TMEM132B: variants seen among roughly 807,000 people sequenced by gnomAD.
TMEM132B encodes transmembrane protein 132B.
A neutral mutation model predicts 90.8 loss-of-function variants in TMEM132B; 18 were observed. The observed-to-expected ratio is 0.20, with a 90% CI of 0.14 to 0.29. TMEM132B has a LOEUF of 0.29. TMEM132B is among the 10% of genes least tolerant of loss of function. The pLI, the probability that TMEM132B is intolerant of heterozygous loss-of-function variation, is 1.00. For missense variants in TMEM132B, 1,096 were observed against 1,326.8 expected, an observed-to-expected ratio of 0.83 and a Z score of 2.70; for synonymous variants, 504 against 523.3, an observed-to-expected ratio of 0.96 and a Z score of 0.50.
intron 4 of TMEM132B, among the ~76,000 whole-genome samples, chr12:125,563,660 T>C (rs914193358): frequency 1.3e-5 from 2 of 152,054 alleles, no homozygotes; most frequent in African/African-American, 2.4e-5. Context: ...GGTGTTCCCA[T>C]AGGCCCTTTG....
intron 1 of TMEM132B, among the ~76,000 whole-genome samples, chr12:125,333,461 G>A (rs183943861): frequency 4.6e-5 from 7 of 152,310 alleles, no homozygotes; most frequent in Admixed American, 3.9e-4. Flanking sequence ...CATTCATGAA[G>A]AATAAATGTC....
At chr12:125,417,952 G>A (rs1276704487) in intron 3 of TMEM132B, among the ~76,000 whole-genome samples, 2 of 152,158 alleles carry the variant, frequency 1.3e-5, no homozygotes, top group African/African-American at 4.8e-5. Context: ...CAGAGAGTGG[G>A]GGAGGGATTG....
At chr12:125,615,239 T>A (rs1885958496) in intron 5 of TMEM132B, among the ~76,000 whole-genome samples, 1 of 152,130 alleles carries the variant, frequency 6.6e-6, no homozygotes, top group Non-Finnish European at 1.5e-5. Flanking sequence ...TTTCAATCAT[T>A]ATTTCTTCAA....
At chr12:125,279,893 T>G (rs1875110954) in intron 1 of TMEM132B, among the ~76,000 whole-genome samples, 1 of 152,248 alleles carries the variant, frequency 6.6e-6, no homozygotes, top group Admixed American at 6.5e-5. Context: ...TCAGTGATTA[T>G]ATTAATAACT....
At chr12:125,457,242 T>G (rs1437904663) in intron 3 of TMEM132B, among the ~76,000 whole-genome samples, 1 of 152,232 alleles carries the variant, frequency 6.6e-6, no homozygotes, top group African/African-American at 2.4e-5. Context: ...TTCGCAGGGA[T>G]TCCTAGTTTC....
intron 3 of TMEM132B, among the ~76,000 whole-genome samples, chr12:125,433,056 A>G (rs1880589806): frequency 6.6e-6 from 1 of 152,220 alleles, no homozygotes; most frequent in Non-Finnish European, 1.5e-5. Context: ...GTCGGAGCAG[A>G]CACTTTATGT....
At chr12:125,487,558 T>G (rs1157266189) in intron 3 of TMEM132B, among the ~76,000 whole-genome samples, 1 of 152,202 alleles carries the variant, frequency 6.6e-6, no homozygotes, top group Non-Finnish European at 1.5e-5. Context: ...TGCTATGCCA[T>G]CCTTGAAGTT....
chr12:125,241,235 G>A (rs1295038279), intron 1 of TMEM132B, among the ~76,000 whole-genome samples: 4 of 152,146 alleles, frequency 2.6e-5, no homozygotes, highest in African/African-American at 9.7e-5. Context: ...AAGATACAGT[G>A]GGGTATAAAA....
At chr12:125,212,442 C>T (rs1276931996) in intron 1 of TMEM132B, among the ~76,000 whole-genome samples, 1 of 151,946 alleles carries the variant, frequency 6.6e-6, no homozygotes, top group East Asian at 1.9e-4. Flanking sequence ...CTTGTAATAC[C>T]AGCACTTTGG....
chr12:125,495,934 C>T (rs1249859100), intron 3 of TMEM132B, among the ~76,000 whole-genome samples: 1 of 152,198 alleles, frequency 6.6e-6, no homozygotes, highest in Non-Finnish European at 1.5e-5. Context: ...CAGTACTTTA[C>T]TGCAGTTGTT....
At chr12:125,515,929 TTC>T (rs1282421623) in intron 3 of TMEM132B, among the ~76,000 whole-genome samples, 2 of 151,460 alleles carry the variant, frequency 1.3e-5, no homozygotes, top group Non-Finnish European at 2.9e-5. Flanking sequence ...CATATCCTAT[TTC>T]TCTGTCACAC....
chr12:125,321,454 G>A (rs2136190479), intron 1 of TMEM132B, among the ~76,000 whole-genome samples: 1 of 150,826 alleles, frequency 6.6e-6, no homozygotes, highest in African/African-American at 2.4e-5. Context: ...GTAAAATGGT[G>A]TAGTCACTTT....
chr12:125,404,330 C>T (rs765459734), intron 2 of TMEM132B, among the ~76,000 whole-genome samples: 57 of 152,110 alleles, frequency 3.7e-4, no homozygotes, highest in Admixed American at 3.3e-3. Context: ...CAAACGGAGA[C>T]ATTTGCCTTT....
chr12:125,580,335 G>T (rs1593003786), intron 4 of TMEM132B, among the ~76,000 whole-genome samples: 1 of 152,202 alleles, frequency 6.6e-6, no homozygotes, highest in Non-Finnish European at 1.5e-5. Flanking sequence ...TCAAACAGTT[G>T]CCTGGCAAGT....
At chr12:125,539,533 T>C (rs1011861052) in intron 4 of TMEM132B, among the ~76,000 whole-genome samples, 4 of 152,252 alleles carry the variant, frequency 2.6e-5, no homozygotes, top group Admixed American at 2.6e-4. Context: ...GTTTGGCAAC[T>C]TATTAGCTCT....
chr12:125,415,854 G>A lies in TMEM132B; in HGVS notation c.1106+177G>A, dbSNP rs1195519219. On this transcript the variant is annotated intron_variant, in intron 3 of 8. Coordinates refer to ENST00000682704, the MANE Select transcript of TMEM132B (RefSeq NM_001366854.1). The surrounding 1 kb of genome is among the most constrained non-coding windows in gnomAD (Gnocchi z 5.3). ...GAGTTCACATTTATCACAGCGTCGG[G>A]TTTGGTAACCGCGTTTTAAATTTTT... Among the ~76,000 whole-genome samples the A allele has an allele frequency of 6.6e-6, 1 of 152,190 alleles. No homozygotes were observed. Among genetic ancestry groups the A allele is most frequent in the Non-Finnish European group, 1.5e-5 (1 of 68,030 alleles).
intron 1 of TMEM132B, among the ~76,000 whole-genome samples, chr12:125,270,041 A>AAC (rs1233227525): frequency 6.6e-6 from 1 of 151,700 alleles, no homozygotes; most frequent in Non-Finnish European, 1.5e-5. Flanking sequence ...AAAAAAAAAA[A>AAC]ACGCTACACT....
chr12:125,526,541 C>T (rs1883468444), intron 4 of TMEM132B, among the ~76,000 whole-genome samples: 1 of 152,258 alleles, frequency 6.6e-6, no homozygotes. Flanking sequence ...ATTGCCCACG[C>T]AGTGCCCCTG....
chr12:125,208,134 C>G (rs1191347234), intron 1 of TMEM132B, among the ~76,000 whole-genome samples: 1 of 152,142 alleles, frequency 6.6e-6, no homozygotes, highest in African/African-American at 2.4e-5. Flanking sequence ...CACACAGAGC[C>G]AGAGCTTGAA....
Sources: allele counts gnomAD v4.1 joint callset (sites outside exome capture counted in the v4.1 genomes callset), GRCh38; gene constraint gnomAD v4.1.1; non-coding constraint Gnocchi (gnomAD v3.1); transcripts MANE v1.5; gene names NCBI Gene and HGNC (gene_info 2026-07-23, HGNC 2026-07-21).